SEL1L2: variants seen among roughly 807,000 people sequenced by gnomAD.
The protein encoded by SEL1L2 is protein sel-1 homolog 2.
SEL1L2 carries 89 observed loss-of-function variants against 98.8 expected under a neutral mutation model. The observed-to-expected ratio is 0.90, with a 90% CI of 0.76 to 1.07. The LOEUF is 1.07. Ranked by LOEUF, SEL1L2 falls within the 50% of genes least tolerant of loss-of-function variation. The pLI, the probability that SEL1L2 is intolerant of heterozygous loss-of-function variation, is 0.00. For missense variants in SEL1L2, 788 were observed against 812.0 expected (o/e 0.97, Z 0.36); for synonymous variants, 262 against 278.5 (o/e 0.94, Z 0.59).
chr20:13,872,779 G>A (rs1449677716), intron 12 of SEL1L2, among the ~76,000 whole-genome samples: 1 of 149,326 alleles, frequency 6.7e-6, no homozygotes, highest in Non-Finnish European at 1.5e-5. Flanking sequence ...GAACTTGTCA[G>A]GCGAAGAGTG....
At chr20:13,873,973 A>G (rs1047015795) in intron 12 of SEL1L2, among the ~76,000 whole-genome samples, 16 of 152,150 alleles carry the variant, frequency 1.1e-4, no homozygotes, top group Non-Finnish European at 1.9e-4. Context: ...GTAAGTTCAG[A>G]ACAGGAAAGA....
chr20:13,982,238 T>C, intron 1 of SEL1L2, among the ~76,000 whole-genome samples: 1 of 152,078 alleles, frequency 6.6e-6, no homozygotes, highest in East Asian at 1.9e-4. Flanking sequence ...GGGCCAGCCA[T>C]GGTGGCTCAT....
In SEL1L2 at chr20:13,919,120, T is replaced by C; in HGVS notation, c.287A>G (p.Gln96Arg). 1 of 1,580,370 alleles carries C rather than the reference T, an allele frequency of 6.3e-7. No individual in the cohort carries two copies. The highest frequency in any genetic ancestry group is 1.3e-5 in the African/African-American group (1 of 74,172). ...DILKRNKNHLQKQAEKNFTDE... is the reference protein window; with the variant it reads ...DILKRNKNHLRKQAEKNFTDE... ...TGTAAAATTTTTCTCTGCTTGCTTT[T>C]GTACTATACATGAACAAACAAAAAA... Residue 96 changes from glutamine to arginine, a missense_variant, in exon 4 of 20, where the codon CAA becomes CGA. Transcript: ENST00000284951.
intron 5 of SEL1L2, among the ~76,000 whole-genome samples, chr20:13,905,520 T>G (rs1056243383): frequency 5.3e-5 from 8 of 152,050 alleles, no homozygotes; most frequent in African/African-American, 1.7e-4. Flanking sequence ...TTCACCATGT[T>G]AGCCAGAATG....
intron 1 of SEL1L2, among the ~76,000 whole-genome samples, chr20:13,956,529 A>G (rs955572161): frequency 1.3e-5 from 2 of 152,146 alleles, no homozygotes; most frequent in Non-Finnish European, 2.9e-5. Context: ...GAAATATAAC[A>G]TTTTATATTT....
chr20:13,922,439 C>T (rs146163560), intron 3 of SEL1L2, among the ~76,000 whole-genome samples: 1,794 of 152,200 alleles, frequency 0.012, 14 homozygotes, highest in Middle Eastern at 0.024. Context: ...GATCGTTATT[C>T]TTCTTCCACA....
Position 13,869,494 on chromosome 20 carries a change from G to A in SEL1L2, c.1255+9C>T, listed in dbSNP as rs200318143. The A allele has an allele frequency of 3.4e-5, 54 of 1,600,064 alleles. No homozygotes were observed. The highest frequency in any genetic ancestry group is 1.7e-5 in the Admixed American group (1 of 59,970). The stretch of plus-strand genomic sequence containing the variant: ...TTCTAAATAAAGCAGCTGTATTTGT[G>A]GCACTTACAGTAGTACATGAAGCCT... On this transcript the variant is annotated intron_variant, in intron 14 of 19. Coordinates refer to ENST00000284951, the MANE Select transcript of SEL1L2 (RefSeq NM_025229.2).
At chr20:13,956,413 C>T (rs1360072682) in intron 1 of SEL1L2, among the ~76,000 whole-genome samples, 1 of 151,912 alleles carries the variant, frequency 6.6e-6, no homozygotes, top group African/African-American at 2.4e-5. Context: ...AATCATAGAG[C>T]TAATTACAAT....
rs192554460 is a variant in SEL1L2, at chr20:13,989,365, T to C, written c.58+1112A>G. Among the ~76,000 whole-genome samples, 183 of 152,342 alleles carry C rather than the reference T, an allele frequency of 1.2e-3. 1 individual carries two copies. Among genetic ancestry groups the C allele is most frequent in the Admixed American group, 5.0e-3 (76 of 15,298 alleles). On this transcript the variant is annotated intron_variant, in intron 1 of 19. Transcript: ENST00000284951. ...TCATTTATTAGTTCTAATAGTTTCG[T>C]AGTTGATTCCATACGATTTTCTGTA...
intron 1 of SEL1L2, among the ~76,000 whole-genome samples, chr20:13,986,825 T>C (rs1186903647): frequency 6.6e-6 from 1 of 152,162 alleles, no homozygotes; most frequent in Non-Finnish European, 1.5e-5. Flanking sequence ...GTAATTGTGG[T>C]TTTCTCCATT....
chr20:13,977,415 C>G (rs752035833), intron 1 of SEL1L2, among the ~76,000 whole-genome samples: 1 of 152,206 alleles, frequency 6.6e-6, no homozygotes, highest in Non-Finnish European at 1.5e-5. Flanking sequence ...GCAGAAAGAA[C>G]AGCAAGAGGC....
At chr20:13,967,477 C>T (rs1249061170) in intron 1 of SEL1L2, among the ~76,000 whole-genome samples, 1 of 152,190 alleles carries the variant, frequency 6.6e-6, no homozygotes, top group Non-Finnish European at 1.5e-5. Flanking sequence ...CCTATATACA[C>T]TGACAGATCT....
In SEL1L2 at chr20:13,900,808, A is replaced by C. The variant is rs557123459; in HGVS notation, c.550-12296T>G. On this transcript the variant is annotated intron_variant, in intron 5 of 19. Coordinates refer to ENST00000284951, the MANE Select transcript of SEL1L2 (RefSeq NM_025229.2). ...TTTCAAGTAATAAAATCCCCTTGTTAAATCCTCCTTGTTTATGGTCATTGG... is the reference window on the plus strand; with the variant it reads ...TTTCAAGTAATAAAATCCCCTTGTTCAATCCTCCTTGTTTATGGTCATTGG... Among the ~76,000 whole-genome samples, 6 of 152,226 alleles carry C rather than the reference A, an allele frequency of 3.9e-5. No homozygotes were observed. The South Asian group carries it at 1.2e-3, about 32-fold the overall frequency.
intron 2 of SEL1L2, among the ~76,000 whole-genome samples, chr20:13,934,564 C>A (rs182744010): frequency 7.3e-6 from 1 of 137,614 alleles, no homozygotes; most frequent in African/African-American, 2.7e-5. Flanking sequence ...GTGAATTCTG[C>A]TGCTATAAGC....
At chr20:13,942,440 C>T (rs572945656) in intron 2 of SEL1L2, among the ~76,000 whole-genome samples, 19 of 152,212 alleles carry the variant, frequency 1.2e-4, no homozygotes, top group African/African-American at 2.2e-4. Context: ...ATCTGTTAGA[C>T]GTGCAAATTA....
At chr20:13,851,564 T>C (rs1388458511) in intron 18 of SEL1L2, 1 of 152,110 alleles carries the variant, frequency 6.6e-6, no homozygotes, top group East Asian at 1.9e-4. Flanking sequence ...TCATGAATTA[T>C]GCCATGGCTT....
rs1989714021 is a variant in SEL1L2 at position 13,859,368 on chromosome 20, T to C, written c.1712A>G (p.Tyr571Cys). 6.2e-7 allele frequency: 1 copy of C among 1,614,034 alleles called. No individual in the cohort carries two copies. The highest frequency in any genetic ancestry group is 8.5e-7 in the Non-Finnish European group (1 of 1,180,014). The change falls in exon 18 of 20, where the codon TAT becomes TGT. Residue 571 changes from tyrosine (Y) to cysteine (C), a missense_variant. By Grantham distance (194) the Tyr-to-Cys change is radical. Transcript: ENST00000284951. ...GCTGTAGTGTGTGGCTGCTGTTTGA[T>C]AGTCTTTCTTAGTCCCATAGCCATA... Reference protein sequence around the residue: ...HYYGYGTKKDYQTAATHYSIA... With the variant: ...HYYGYGTKKDCQTAATHYSIA...
chr20:13,852,225 C>T (rs976157178), intron 18 of SEL1L2, among the ~76,000 whole-genome samples: 8 of 152,056 alleles, frequency 5.3e-5, no homozygotes, highest in South Asian at 2.1e-4. Flanking sequence ...TTATGTCTTG[C>T]GGTAGAAGCA....
chr20:13,951,013 A>T (rs1197910583), intron 2 of SEL1L2, among the ~76,000 whole-genome samples: 1 of 152,158 alleles, frequency 6.6e-6, no homozygotes. Flanking sequence ...GCGGTGGCTC[A>T]CACCTGTAAT....
Sources: gnomAD v4.1 joint callset for allele counts (sites outside exome capture counted in the v4.1 genomes callset) on GRCh38, gnomAD v4.1.1 for gene constraint, MANE v1.5 for transcripts, NCBI Gene and HGNC (gene_info 2026-07-23, HGNC 2026-07-21) for gene names.